CNTN1: variants seen among roughly 807,000 people sequenced by gnomAD.
CNTN1 encodes contactin 1.
In CNTN1, 38 loss-of-function variants were observed where a neutral mutation model predicts 126.4. The ratio of observed to expected loss-of-function variants is 0.30; its 90% CI spans 0.23 to 0.39. CNTN1 has a LOEUF of 0.39. Among genes scored for constraint, CNTN1 ranks in the 10% least tolerant of loss-of-function variants. The pLI, the probability that CNTN1 is intolerant of heterozygous loss-of-function variation, is 1.00. For synonymous variants in CNTN1, 413 were observed against 422.6 expected (o/e 0.98, Z 0.28); for missense variants, 1,009 against 1,248.4 (o/e 0.81, Z 2.89).
chr12:41,021,503 G>A (rs1248785875), intron 20 of CNTN1, among the ~76,000 whole-genome samples: 1 of 152,048 alleles, frequency 6.6e-6, no homozygotes, highest in African/African-American at 2.4e-5. Context: ...GATATTAATT[G>A]AATACTGATA....
At chr12:41,043,089 G>A (rs1212394231) in intron 23 of CNTN1, among the ~76,000 whole-genome samples, 1 of 152,038 alleles carries the variant, frequency 6.6e-6, no homozygotes, top group African/African-American at 2.4e-5. Context: ...CATAGGCATG[G>A]GCAAGGACTT....
intron 15 of CNTN1, among the ~76,000 whole-genome samples, chr12:40,964,896 G>T (rs929702497): frequency 1.3e-5 from 2 of 152,000 alleles, no homozygotes; most frequent in African/African-American, 4.8e-5. Context: ...ATGCTCTTGG[G>T]TATTTTACTC....
At chr12:40,777,159 C>G (rs1366583789) in intron 1 of CNTN1, among the ~76,000 whole-genome samples, 1 of 151,618 alleles carries the variant, frequency 6.6e-6, no homozygotes. Context: ...TTTCTCCAGA[C>G]TCTATCTCCA....
At chr12:40,969,330 G>T (rs1947416892) in intron 15 of CNTN1, among the ~76,000 whole-genome samples, 1 of 152,122 alleles carries the variant, frequency 6.6e-6, no homozygotes, top group Non-Finnish European at 1.5e-5. Context: ...GGTTTATGAA[G>T]CTACAGAGAG....
chr12:40,779,396 G>A (rs895320618), intron 1 of CNTN1, among the ~76,000 whole-genome samples: 3 of 151,708 alleles, frequency 2.0e-5, no homozygotes, highest in Admixed American at 2.0e-4. Context: ...TTCTACCAAG[G>A]ACACTTATAA....
Position 41,016,811 on chromosome 12 carries a change from G to A in CNTN1, c.2314G>A (p.Glu772Lys), listed in dbSNP as rs753554748. 1.9e-6 allele frequency: 3 copies of A among 1,614,110 alleles called. No individual in the cohort carries two copies. The highest frequency in any genetic ancestry group is 2.5e-6 in the Non-Finnish European group (3 of 1,180,008). ...PDTGRYVHKD[E>K]TMSPSTAFQV... ...TACTGGCCGATATGTCCATAAAGATGAAACCATGAGCCCTTCCACTGCATT... is the reference window on the plus strand; with the variant it reads ...TACTGGCCGATATGTCCATAAAGATAAAACCATGAGCCCTTCCACTGCATT... Residue 772 changes from glutamate to lysine, a missense_variant, in exon 19 of 24, where the codon GAA becomes AAA. Transcript: ENST00000551295.
chr12:40,823,094 A>G (rs1233093299), intron 1 of CNTN1, among the ~76,000 whole-genome samples: 1 of 152,202 alleles, frequency 6.6e-6, no homozygotes, highest in Non-Finnish European at 1.5e-5. Context: ...ATATCCACAC[A>G]TATATACAAT....
intron 1 of CNTN1, among the ~76,000 whole-genome samples, chr12:40,908,115 T>C (rs1236737048): frequency 6.6e-6 from 1 of 152,234 alleles, no homozygotes; most frequent in African/African-American, 2.4e-5. Context: ...GGATGTCAGC[T>C]GAAGCCTTCT....
chr12:40,947,588 A>G (rs1946475270), intron 14 of CNTN1, among the ~76,000 whole-genome samples: 1 of 151,840 alleles, frequency 6.6e-6, no homozygotes, highest in African/African-American at 2.4e-5. Flanking sequence ...ATCTCATTTT[A>G]TTCCTCTTTC....
chr12:40,879,775 T>G (rs1943810140), intron 1 of CNTN1, among the ~76,000 whole-genome samples: 1 of 152,148 alleles, frequency 6.6e-6, no homozygotes, highest in South Asian at 2.1e-4. Flanking sequence ...ACGTAAATTC[T>G]TTGTTACAAT....
chr12:40,971,837 CG>C lies in CNTN1; in HGVS notation c.1805-9071del, dbSNP rs1170883845. ...AGAAATTAGCTCATTATCTGAAAAACGTATGAAGAACTGATGAATTGTATAA... is the reference window on the plus strand; with the variant it reads ...AGAAATTAGCTCATTATCTGAAAAACTATGAAGAACTGATGAATTGTATAA... On this transcript the variant is annotated intron_variant, in intron 15 of 23. Coordinates refer to ENST00000551295, the MANE Select transcript of CNTN1 (RefSeq NM_001843.4). 20 of 1,128,286 alleles carry C rather than the reference CG, an allele frequency of 1.8e-5. No individual in the cohort carries two copies. The African/African-American group carries it at 3.4e-4, about 19-fold the overall frequency. 69.9% of individuals were successfully genotyped at this position (1,128,286 alleles called of 1,614,324 possible).
intron 15 of CNTN1, among the ~76,000 whole-genome samples, chr12:40,970,509 T>A (rs1947471569): frequency 6.6e-6 from 1 of 152,038 alleles, no homozygotes; most frequent in Non-Finnish European, 1.5e-5. Context: ...TAAATAGCTA[T>A]CTCCAGGGGG....
rs567597372 is a variant in CNTN1 at position 40,974,909 on chromosome 12, A to T, written c.1805-6000A>T. Among the ~76,000 whole-genome samples, 104 of 152,214 alleles carry T rather than the reference A, an allele frequency of 6.8e-4. 2 individuals are homozygous for T. Among genetic ancestry groups the T allele is most frequent in the African/African-American group, 2.3e-3 (96 of 41,558 alleles). On this transcript the variant is annotated intron_variant, in intron 15 of 23. Transcript: ENST00000551295. ...CCCTTTTTGAATGACTAATAATTTT[A>T]TACCATGTAAATTTTATATTGTTAG...
intron 1 of CNTN1, among the ~76,000 whole-genome samples, chr12:40,795,480 T>C (rs1157926479): frequency 1.3e-5 from 2 of 151,862 alleles, no homozygotes; most frequent in African/African-American, 2.4e-5. Context: ...TGAACCTATA[T>C]AGAATACATA....
chr12:40,730,506 A>G (rs944001513), intron 1 of CNTN1, among the ~76,000 whole-genome samples: 1 of 152,178 alleles, frequency 6.6e-6, no homozygotes, highest in African/African-American at 2.4e-5. Context: ...TCCTGAAAAC[A>G]CACCTCACCT....
chr12:40,853,503 T>C (rs1942792978), intron 1 of CNTN1, among the ~76,000 whole-genome samples: 1 of 152,154 alleles, frequency 6.6e-6, no homozygotes, highest in African/African-American at 2.4e-5. Flanking sequence ...ATCAAAACTG[T>C]TTCCAACATG....
At chr12:40,767,890 C>G (rs1939181510) in intron 1 of CNTN1, among the ~76,000 whole-genome samples, 1 of 151,776 alleles carries the variant, frequency 6.6e-6, no homozygotes, top group Non-Finnish European at 1.5e-5. Context: ...ATTATAAGGC[C>G]CATTAATGTT....
intron 1 of CNTN1, among the ~76,000 whole-genome samples, chr12:40,864,311 T>C (rs182408016): frequency 6.6e-6 from 1 of 152,036 alleles, no homozygotes; most frequent in Non-Finnish European, 1.5e-5. Flanking sequence ...TGAACCACCA[T>C]GCCCAGACCT....
At chr12:40,943,867 G>A (rs1946345628) in intron 13 of CNTN1, 128 bp from the exon 14 acceptor site, 3 of 1,378,206 alleles carry the variant, frequency 2.2e-6, no homozygotes, top group Non-Finnish European at 3.0e-6. Context: ...TATTGTTCTT[G>A]GAATTTGGAA....
Sources: allele counts gnomAD v4.1 joint callset (sites outside exome capture counted in the v4.1 genomes callset), GRCh38; gene constraint gnomAD v4.1.1; transcripts MANE v1.5; gene names NCBI Gene and HGNC (gene_info 2026-07-23, HGNC 2026-07-21).